The following GBE1 variants were observed in gnomAD, a reference collection of about 807,000 sequenced individuals.
GBE1 encodes the protein 1,4-alpha-glucan branching enzyme 1, also known as 1,4-alpha-glucan-branching enzyme.
Under a neutral mutation model 88.8 loss-of-function variants are expected in GBE1, and 70 were observed. The ratio of observed to expected loss-of-function variants is 0.79; its 90% confidence interval spans 0.65 to 0.96. The LOEUF (loss-of-function observed/expected upper bound fraction) is 0.96. Ranked by LOEUF, GBE1 falls within the 40% of genes least tolerant of loss-of-function variation. The pLI is 0.00. For missense variants in GBE1, 872 were observed against 871.0 expected, an observed-to-expected ratio of 1.00 and a Z score of -0.01; for synonymous variants, 284 against 300.1, an observed-to-expected ratio of 0.95 and a Z score of 0.56.
At chr3:81,513,272 C>T (rs1351906335) in intron 14 of GBE1, among the ~76,000 whole-genome samples, 1 of 151,166 alleles carries the variant, frequency 6.6e-6, no homozygotes, top group Non-Finnish European at 1.5e-5. Flanking sequence ...CTGCAGGATA[C>T]AGAGAAAGGG....
intron 1 of GBE1, among the ~76,000 whole-genome samples, chr3:81,709,476 C>T (rs1248102516): frequency 6.6e-6 from 1 of 152,056 alleles, no homozygotes; most frequent in Non-Finnish European, 1.5e-5. Context: ...AAAATATACA[C>T]ACACATACAC....
chr3:81,600,531 T>G (rs1311380352), intron 7 of GBE1, among the ~76,000 whole-genome samples: 1 of 152,012 alleles, frequency 6.6e-6, no homozygotes, highest in Non-Finnish European at 1.5e-5. Flanking sequence ...CTAATCAGCA[T>G]AAAAAATAAA....
At chr3:81,531,824 C>A (rs1703014478) in intron 14 of GBE1, among the ~76,000 whole-genome samples, 1 of 152,070 alleles carries the variant, frequency 6.6e-6, no homozygotes, top group African/African-American at 2.4e-5. Context: ...TCTAGACTTT[C>A]AAATTTATCT....
intron 1 of GBE1, among the ~76,000 whole-genome samples, chr3:81,712,654 G>T (rs907611889): frequency 1.4e-4 from 21 of 151,982 alleles, no homozygotes; most frequent in Non-Finnish European, 7.4e-5. Context: ...GTCGTGGGGT[G>T]GGGGAAGGGG....
intron 1 of GBE1, among the ~76,000 whole-genome samples, chr3:81,745,873 A>C (rs1706413820): frequency 6.6e-6 from 1 of 152,162 alleles, no homozygotes; most frequent in South Asian, 2.1e-4. Flanking sequence ...CTCAACAACT[A>C]ATCAATTTCT....
intron 12 of GBE1, among the ~76,000 whole-genome samples, chr3:81,566,122 C>G (rs1703491583): frequency 6.6e-6 from 1 of 152,210 alleles, no homozygotes; most frequent in South Asian, 2.1e-4. Context: ...AACTTTTCTT[C>G]TCTTCCTCCA....
intron 14 of GBE1, among the ~76,000 whole-genome samples, chr3:81,504,254 G>A (rs1702626652): frequency 6.6e-6 from 1 of 151,666 alleles, no homozygotes; most frequent in Non-Finnish European, 1.5e-5. Context: ...AATGACAAGA[G>A]AAGAATAAAA....
intron 14 of GBE1, among the ~76,000 whole-genome samples, chr3:81,527,012 C>G (rs1023244040): frequency 4.6e-5 from 7 of 151,988 alleles, no homozygotes; most frequent in African/African-American, 1.7e-4. Flanking sequence ...GTACTGGTAC[C>G]AAAACAGAGA....
At chr3:81,544,018 T>G (rs2106882202) in intron 12 of GBE1, among the ~76,000 whole-genome samples, 1 of 152,300 alleles carries the variant, frequency 6.6e-6, no homozygotes, top group African/African-American at 2.4e-5. Flanking sequence ...GTTGTATGTA[T>G]GTTCACATGC....
At chr3:81,573,757 C>T (rs1703605648) in intron 12 of GBE1, among the ~76,000 whole-genome samples, 2 of 93,586 alleles carry the variant, frequency 2.1e-5, no homozygotes, top group African/African-American at 7.3e-5. Flanking sequence ...TTTGCCTTCT[C>T]TCTCTCTCTC....
intron 14 of GBE1, chr3:81,534,667 C>T (rs1288237097): frequency 6.6e-6 from 1 of 152,186 alleles, no homozygotes; most frequent in African/African-American, 2.4e-5. Context: ...CTCTCTCCCA[C>T]TGAGTGGAGG....
intron 3 of GBE1, 101 bp from the exon 4 acceptor site, chr3:81,650,022 T>G: frequency 2.3e-6 from 2 of 875,850 alleles, no homozygotes; most frequent in Non-Finnish European, 3.6e-6. Context: ...GGAGGACTGA[T>G]CTTAAGAATC....
chr3:81,623,597 C>T (rs962753185), intron 7 of GBE1, among the ~76,000 whole-genome samples: 2 of 152,268 alleles, frequency 1.3e-5, no homozygotes, highest in African/African-American at 2.4e-5. Flanking sequence ...CCAGTAGGTA[C>T]TCAAACTTTT....
intron 12 of GBE1, among the ~76,000 whole-genome samples, chr3:81,542,755 C>T (rs1349666236): frequency 6.6e-6 from 1 of 152,036 alleles, no homozygotes; most frequent in African/African-American, 2.4e-5. Flanking sequence ...GTACTATGTT[C>T]ACCACCTGGG....
intron 1 of GBE1, among the ~76,000 whole-genome samples, chr3:81,740,766 GCACACA>G (rs71633686): frequency 1.3e-5 from 2 of 149,192 alleles, no homozygotes; most frequent in African/African-American, 2.5e-5. Flanking sequence ...GTTAGAAAGT[GCACACA>G]CACACACACA....
At chr3:81,665,797 G>T (rs979772491) in intron 3 of GBE1, among the ~76,000 whole-genome samples, 1 of 152,130 alleles carries the variant, frequency 6.6e-6, no homozygotes, top group East Asian at 1.9e-4. Context: ...GCACTTCTAT[G>T]ACCCAAATGC....
chr3:81,554,924 T>C (rs1447529495), intron 12 of GBE1, among the ~76,000 whole-genome samples: 2 of 152,134 alleles, frequency 1.3e-5, no homozygotes, highest in Non-Finnish European at 2.9e-5. Context: ...TGGTTTGCCT[T>C]TGGATGATGC....
chr3:81,735,779 T>G (rs1262887359), intron 1 of GBE1, among the ~76,000 whole-genome samples: 1 of 152,164 alleles, frequency 6.6e-6, no homozygotes, highest in African/African-American at 2.4e-5. Context: ...CAGTCTCACC[T>G]TCAATCAAGG....
At chr3:81,629,619 T>C (rs1056315827) in intron 7 of GBE1, among the ~76,000 whole-genome samples, 2 of 152,208 alleles carry the variant, frequency 1.3e-5, no homozygotes, top group Non-Finnish European at 2.9e-5. Context: ...TTGCTATACC[T>C]GTGTCATTCA....
Sources: gnomAD v4.1 joint callset for allele counts (sites outside exome capture counted in the v4.1 genomes callset) on GRCh38, gnomAD v4.1.1 for gene constraint, MANE v1.5 for transcripts, NCBI Gene and HGNC (gene_info 2026-07-23, HGNC 2026-07-21) for gene names.